Variants in CCDC141 observed in about 807,000 individuals in gnomAD.
The protein encoded by CCDC141 is coiled-coil domain containing 141.
Under a neutral mutation model 181.0 loss-of-function variants are expected in CCDC141, and 168 were observed. The ratio of observed to expected loss-of-function variants is 0.93; its 90% CI spans 0.82 to 1.05. The LOEUF (loss-of-function observed/expected upper bound fraction) is 1.05, where lower values mean the gene tolerates loss of function less well. Ranked by LOEUF, CCDC141 falls within the 50% of genes least tolerant of loss-of-function variation. The pLI is 0.00. For missense variants in CCDC141, 1,902 were observed against 1,788.5 expected, an observed-to-expected ratio of 1.06 and a Z score of -1.14; for synonymous variants, 666 against 642.3, an observed-to-expected ratio of 1.04 and a Z score of -0.56.
chr2:178,884,842 A>T, intron 11 of CCDC141, 59 bp downstream of exon 11: 1 of 1,387,246 alleles, frequency 7.2e-7, no homozygotes, highest in Non-Finnish European at 9.9e-7. Context: ...ATCCCCACAG[A>T]AAGCAAGGAC....
chr2:179,008,887 A>C (rs1488625876), intron 2 of CCDC141, among the ~76,000 whole-genome samples: 2 of 152,148 alleles, frequency 1.3e-5, no homozygotes, highest in Non-Finnish European at 2.9e-5. Flanking sequence ...TCAGGCTATC[A>C]CTTGTCAATG....
chr2:178,907,712 A>C (rs1044523890), intron 7 of CCDC141, among the ~76,000 whole-genome samples: 1 of 152,206 alleles, frequency 6.6e-6, no homozygotes, highest in Non-Finnish European at 1.5e-5. Context: ...AAAGATGATT[A>C]GCCAGGCACG....
chr2:178,953,052 G>A (rs904950245), intron 5 of CCDC141, among the ~76,000 whole-genome samples: 23 of 152,178 alleles, frequency 1.5e-4, no homozygotes, highest in African/African-American at 4.1e-4. Context: ...CCAATGTGGT[G>A]GGAACCAGTA....
At chr2:178,999,870 T>C (rs1474032808) in intron 2 of CCDC141, among the ~76,000 whole-genome samples, 2 of 152,152 alleles carry the variant, frequency 1.3e-5, no homozygotes, top group East Asian at 1.9e-4. Flanking sequence ...CCCCTCTTAC[T>C]TGGGGCAAGG....
At chr2:178,957,133 A>G (rs1470068776) in intron 5 of CCDC141, among the ~76,000 whole-genome samples, 1 of 152,192 alleles carries the variant, frequency 6.6e-6, no homozygotes, top group Non-Finnish European at 1.5e-5. Flanking sequence ...TCGGCCTCCC[A>G]AAGTGCTGGG....
intron 2 of CCDC141, among the ~76,000 whole-genome samples, chr2:179,015,705 T>C (rs1021215480): frequency 2.8e-5 from 4 of 141,968 alleles, no homozygotes; most frequent in Non-Finnish European, 6.1e-5. Flanking sequence ...CTCATATATA[T>C]ATCTCATACA....
chr2:178,985,546 T>A, intron 2 of CCDC141, among the ~76,000 whole-genome samples: 1 of 149,746 alleles, frequency 6.7e-6, no homozygotes, highest in Admixed American at 6.6e-5. Context: ...TTTGAAAGGA[T>A]CAACAAAATT....
Position 178,959,334 on chromosome 2 carries a change from A to G in CCDC141, c.780+1896T>C, listed in dbSNP as rs922198051. 5.9e-5 allele frequency among the ~76,000 whole-genome samples: 9 copies of G among 152,230 alleles called. No individual in the cohort carries two copies. In the South Asian group the frequency reaches 1.9e-3, roughly 32 times the overall value. Reference sequence around the variant, plus strand: ...ATAAAAAATAAAACACTACAGAAAAAAAAAAGAATGAAGAGATAAAAGGAA... The same window carrying G: ...ATAAAAAATAAAACACTACAGAAAAGAAAAAGAATGAAGAGATAAAAGGAA... On this transcript the variant is annotated intron_variant, in intron 5 of 23. Transcript: ENST00000443758.
chr2:178,955,423 T>C (rs1330129473), intron 5 of CCDC141, among the ~76,000 whole-genome samples: 1 of 152,198 alleles, frequency 6.6e-6, no homozygotes, highest in Non-Finnish European at 1.5e-5. Context: ...GAGTAAGCGT[T>C]AATTATTGTT....
chr2:178,874,033 G>C (rs750453993), intron 12 of CCDC141: 2 of 151,958 alleles, frequency 1.3e-5, no homozygotes, highest in African/African-American at 2.4e-5. Flanking sequence ...TCTATTTCTG[G>C]CTTGAAAATA....
Position 178,865,888 on chromosome 2 carries a change from A to G in CCDC141, c.2603T>C (p.Leu868Pro). Reference sequence around the variant, plus strand: ...CTCAAGGAGCTCCAGCTGCTGCTGTAGGTTCTTTGCAGAAACATTAGAGCA... The same window carrying G: ...CTCAAGGAGCTCCAGCTGCTGCTGTGGGTTCTTTGCAGAAACATTAGAGCA... Reference protein sequence around the residue: ...PHCSNVSAKNLQQQLELLEED... With the variant: ...PHCSNVSAKNPQQQLELLEED... The change falls in exon 17 of 24, where the codon CTA becomes CCA. Residue 868 changes from leucine (L) to proline (P), a missense_variant. By Grantham distance (98) the Leu-to-Pro change is moderately conservative (BLOSUM62 -3). Transcript: ENST00000443758. 1 of 1,596,396 alleles carries G rather than the reference A, an allele frequency of 6.3e-7. No individual in the cohort carries two copies. The highest frequency in any genetic ancestry group is 8.5e-7 in the Non-Finnish European group (1 of 1,171,530).
intron 5 of CCDC141, 38 bp from the exon 6 acceptor site, chr2:178,944,689 T>C: frequency 3.1e-6 from 3 of 972,704 alleles, no homozygotes; most frequent in Non-Finnish European, 4.6e-6. Flanking sequence ...AAAATTCAAA[T>C]GATCAGAATA....
intron 2 of CCDC141, among the ~76,000 whole-genome samples, chr2:179,012,969 T>C (rs539728198): frequency 6.6e-6 from 1 of 152,224 alleles, no homozygotes; most frequent in African/African-American, 2.4e-5. Flanking sequence ...CATACCTTAA[T>C]GTAATAAAAG....
At chr2:179,034,451 A>G (rs954974767) in intron 2 of CCDC141, among the ~76,000 whole-genome samples, 1 of 152,190 alleles carries the variant, frequency 6.6e-6, no homozygotes, top group African/African-American at 2.4e-5. Flanking sequence ...CCTCCATAAC[A>G]CAAGCTTCCC....
intron 17 of CCDC141, among the ~76,000 whole-genome samples, chr2:178,861,729 A>G (rs946322509): frequency 4.0e-5 from 6 of 151,584 alleles, no homozygotes; most frequent in Non-Finnish European, 2.9e-5. Context: ...CAATCCTCCT[A>G]CCTTGGCATC....
intron 17 of CCDC141, among the ~76,000 whole-genome samples, chr2:178,859,670 T>C (rs1016150465): frequency 1.3e-5 from 2 of 152,242 alleles, no homozygotes; most frequent in Non-Finnish European, 2.9e-5. Flanking sequence ...AGCTCTTCTA[T>C]ATTTACCATA....
chr2:178,967,160 C>G (rs1258647783), intron 4 of CCDC141, among the ~76,000 whole-genome samples: 1 of 152,128 alleles, frequency 6.6e-6, no homozygotes, highest in South Asian at 2.1e-4. Flanking sequence ...GAGAATGGAA[C>G]CAAGTTGGAA....
At chr2:178,996,332 C>T (rs1692286418) in intron 2 of CCDC141, among the ~76,000 whole-genome samples, 1 of 152,094 alleles carries the variant, frequency 6.6e-6, no homozygotes, top group Admixed American at 6.5e-5. Flanking sequence ...TCTGCCTTGG[C>T]CTCCCAAAGT....
chr2:178,836,621 C>A, intron 23 of CCDC141: 1 of 303,960 alleles, frequency 3.3e-6, no homozygotes, highest in Non-Finnish European at 6.1e-6. Flanking sequence ...GAATGTTAAA[C>A]ACAGAAGAAA....
Sources: allele counts gnomAD v4.1 joint callset (sites outside exome capture counted in the v4.1 genomes callset), GRCh38; gene constraint gnomAD v4.1.1; transcripts MANE v1.5; gene names NCBI Gene and HGNC (gene_info 2026-07-23, HGNC 2026-07-21).